CAAP1: variants seen among roughly 807,000 people sequenced by gnomAD.
CAAP1 encodes the protein caspase activity and apoptosis inhibitor 1.
CAAP1 carries 20 observed loss-of-function variants against 34.0 expected under a neutral mutation model. The observed-to-expected ratio is 0.59, with a 90% CI of 0.41 to 0.86. CAAP1 has a LOEUF of 0.86. CAAP1 is among the 40% of genes least tolerant of loss of function. The pLI is 0.00. For synonymous variants in CAAP1, 213 were observed against 166.7 expected, an observed-to-expected ratio of 1.28 and a Z score of -2.14; for missense variants, 538 against 450.5, an observed-to-expected ratio of 1.19 and a Z score of -1.76.
chr9:26,863,828 C>A (rs1823062356), intron 4 of CAAP1, among the ~76,000 whole-genome samples: 3 of 151,166 alleles, frequency 2.0e-5, no homozygotes, highest in Non-Finnish European at 2.9e-5. Context: ...GGTTGTTGTC[C>A]CGTCTTCCAG....
intron 5 of CAAP1, among the ~76,000 whole-genome samples, chr9:26,856,347 T>C (rs1822869915): frequency 1.3e-5 from 2 of 152,176 alleles, no homozygotes; most frequent in Admixed American, 6.5e-5. Flanking sequence ...TAAGGAACCA[T>C]TAAACAGATC....
rs958066609 is a variant in CAAP1, at chr9:26,841,905, T to A, written c.*396A>T. On this transcript the variant is annotated 3_prime_UTR_variant, in exon 6 of 6. Transcript: ENST00000333916. ...TTTCTCAAATTAAATAATTTAATAT[T>A]GTATTGTAAAATACAAGTAGCCTTA... The A allele has an allele frequency of 6.5e-6, 1 of 154,086 alleles. No individual in the cohort carries two copies. Among genetic ancestry groups the A allele is most frequent in the African/African-American group, 2.4e-5 (1 of 41,538 alleles). 9.5% of individuals were successfully genotyped at this position (154,086 alleles called of 1,614,324 possible). A position where few individuals can be genotyped will look rare whatever the true frequency, so the allele number is the denominator to read the frequency against.
At chr9:26,884,939 G>A in intron 3 of CAAP1, 54 bp from the exon 4 acceptor site, 2 of 1,270,878 alleles carry the variant, frequency 1.6e-6, no homozygotes, top group East Asian at 2.3e-5. Context: ...TTAAAATGAT[G>A]CAATCATGAC....
intron 4 of CAAP1, among the ~76,000 whole-genome samples, chr9:26,877,986 T>A (rs1210522981): frequency 2.0e-5 from 3 of 152,134 alleles, no homozygotes; most frequent in African/African-American, 7.2e-5. Flanking sequence ...TTATTATACA[T>A]GAGGATGATA....
In CAAP1 at chr9:26,892,701, C is replaced by CT; in HGVS notation, c.14dup (p.Ser6ValfsTer10). 1.3e-6 allele frequency: 2 copies of CT among 1,597,956 alleles called. No homozygotes were observed. Among genetic ancestry groups the CT allele is most frequent in the Non-Finnish European group, 1.7e-6 (2 of 1,175,958 alleles). ...GTTTGCGCCGTTTCTCCCGGGAGGACTTTTTCCCCGTCATGATCCCTCTGC... is the reference window on the plus strand; with the variant it reads ...GTTTGCGCCGTTTCTCCCGGGAGGACTTTTTTCCCCGTCATGATCCCTCTGC... On this transcript the variant is annotated frameshift_variant, in exon 1 of 6. Transcript: ENST00000333916. LOFTEE classifies it high-confidence loss of function.
chr9:26,892,172 TAA>T, intron 1 of CAAP1: 1 of 1,179,308 alleles, frequency 8.5e-7, no homozygotes, highest in Non-Finnish European at 1.1e-6. Flanking sequence ...GCCAAGAGTT[TAA>T]AAAATAAATT....
intron 4 of CAAP1, among the ~76,000 whole-genome samples, chr9:26,862,889 T>C (rs1451998216): frequency 6.6e-6 from 1 of 152,074 alleles, no homozygotes; most frequent in Admixed American, 6.6e-5. Flanking sequence ...GTGAAAAGTG[T>C]CATGGTGTAT....
At chr9:26,892,184 T>C in intron 1 of CAAP1, 1 of 1,234,086 alleles carries the variant, frequency 8.1e-7, no homozygotes, top group Non-Finnish European at 1.1e-6. Context: ...AAAAATAAAT[T>C]AAAAAAAAAG....
intron 5 of CAAP1, among the ~76,000 whole-genome samples, chr9:26,852,716 G>A (rs887188239): frequency 3.9e-5 from 6 of 151,980 alleles, no homozygotes; most frequent in African/African-American, 1.5e-4. Flanking sequence ...TTCAAAAGGT[G>A]ACTTCTATAA....
chr9:26,886,485 A>G (rs1823742041), intron 2 of CAAP1, among the ~76,000 whole-genome samples: 1 of 152,254 alleles, frequency 6.6e-6, no homozygotes, highest in South Asian at 2.1e-4. Flanking sequence ...TTAAGTAATT[A>G]TTCTAAAGGT....
At chr9:26,850,367 C>A (rs1036264425) in intron 5 of CAAP1, among the ~76,000 whole-genome samples, 1 of 152,026 alleles carries the variant, frequency 6.6e-6, no homozygotes, top group African/African-American at 2.4e-5. Context: ...CCAAAAATGT[C>A]GAGATCTTTG....
At chr9:26,855,279 T>C (rs947189360) in intron 5 of CAAP1, among the ~76,000 whole-genome samples, 2 of 152,192 alleles carry the variant, frequency 1.3e-5, no homozygotes, top group Non-Finnish European at 2.9e-5. Context: ...AGGACAAGCA[T>C]AACTATAGGG....
At chr9:26,862,554 C>G (rs1047604235) in intron 4 of CAAP1, among the ~76,000 whole-genome samples, 3 of 151,864 alleles carry the variant, frequency 2.0e-5, no homozygotes, top group Non-Finnish European at 4.4e-5. Flanking sequence ...TGAAGAATCA[C>G]CAGACAAACT....
chr9:26,875,708 T>G (rs997932309), intron 4 of CAAP1, among the ~76,000 whole-genome samples: 2 of 152,180 alleles, frequency 1.3e-5, no homozygotes, highest in Non-Finnish European at 2.9e-5. Flanking sequence ...TACTAGGTAG[T>G]GCACTGAAAT....
At chr9:26,842,669 G>C (rs761515851) in intron 5 of CAAP1, 22 bp from the exon 6 acceptor site, 4 of 1,554,014 alleles carry the variant, frequency 2.6e-6, no homozygotes, top group South Asian at 2.4e-5. Context: ...AAAGGAGAAA[G>C]ATCCATGTAA....
In CAAP1 at chr9:26,852,576, T is replaced by C. The variant is rs1003309653; in HGVS notation, c.739+8490A>G. ...CTTAAAAACAGTAGTTTGATGTAAA[T>C]AAGAGTACACTACTGGTGTAAATAA... On this transcript the variant is annotated intron_variant, in intron 5 of 5. Coordinates refer to ENST00000333916, the MANE Select transcript of CAAP1 (RefSeq NM_024828.4). Among the ~76,000 whole-genome samples the C allele has an allele frequency of 7.9e-5, 12 of 152,044 alleles. 1 individual carries two copies. The highest frequency in any genetic ancestry group is 1.6e-4 in the Non-Finnish European group (11 of 67,996).
chr9:26,843,455 TTG>T (rs1180967155), intron 5 of CAAP1, among the ~76,000 whole-genome samples: 2 of 152,180 alleles, frequency 1.3e-5, no homozygotes, highest in East Asian at 1.9e-4. Context: ...AATATGTTTT[TTG>T]TGTGTTTTTC....
At chr9:26,883,708 G>C (rs1459329815) in intron 4 of CAAP1, among the ~76,000 whole-genome samples, 3 of 152,118 alleles carry the variant, frequency 2.0e-5, no homozygotes, top group African/African-American at 7.2e-5. Context: ...GATCAACGTG[G>C]GGAATGGGGC....
At position 26,892,674 on chromosome 9, in the gene CAAP1, A is replaced by G; in HGVS notation, c.42T>C (p.Arg14=). 6.2e-7 allele frequency: 1 copy of G among 1,605,638 alleles called. No individual in the cohort carries two copies. Residue 14 remains arginine, a synonymous_variant, in exon 1 of 6, where the codon CGT becomes CGC. Coordinates refer to ENST00000333916, the MANE Select transcript of CAAP1 (RefSeq NM_024828.4). The part of the protein sequence containing the change: ...KKSSREKRRK[R]SSQEAAAALA... Reference sequence around the variant, plus strand: ...GCGCTGCGGCCGCCTCCTGACTGCTACGTTTGCGCCGTTTCTCCCGGGAGG... The same window carrying G: ...GCGCTGCGGCCGCCTCCTGACTGCTGCGTTTGCGCCGTTTCTCCCGGGAGG...
Sources: gnomAD v4.1 joint callset for allele counts (sites outside exome capture counted in the v4.1 genomes callset) on GRCh38, gnomAD v4.1.1 for gene constraint, MANE v1.5 for transcripts, NCBI Gene and HGNC (gene_info 2026-07-23, HGNC 2026-07-21) for gene names.